Variants in BRINP3 observed in about 807,000 individuals in gnomAD.
The protein encoded by BRINP3 is BMP/retinoic acid-inducible neural-specific protein 3.
BRINP3 carries 19 observed loss-of-function variants against 71.0 expected under a neutral mutation model. That is an observed-to-expected ratio of 0.27 (90% CI 0.19 to 0.39). The LOEUF (loss-of-function observed/expected upper bound fraction) is 0.39, where lower values mean the gene tolerates loss of function less well. Among genes scored for constraint, BRINP3 ranks in the 10% least tolerant of loss-of-function variants. BRINP3 has a pLI of 1.00. For missense variants in BRINP3, 959 were observed against 940.8 expected, an observed-to-expected ratio of 1.02 and a Z score of -0.25; for synonymous variants, 380 against 337.7, an observed-to-expected ratio of 1.13 and a Z score of -1.37.
chr1:190,226,961 G>C (rs1246891890), intron 5 of BRINP3, among the ~76,000 whole-genome samples: 7 of 151,792 alleles, frequency 4.6e-5, no homozygotes, highest in African/African-American at 1.2e-4. Context: ...TAGTTTTCTA[G>C]AAACATGTTT....
chr1:190,272,448 A>T (rs1248707104), intron 3 of BRINP3, among the ~76,000 whole-genome samples: 1 of 151,510 alleles, frequency 6.6e-6, no homozygotes, highest in Non-Finnish European at 1.5e-5. Flanking sequence ...TCTCTAAAAC[A>T]AAGAAAATAT....
chr1:190,147,954 T>C (rs976564241), intron 7 of BRINP3, among the ~76,000 whole-genome samples: 3 of 152,174 alleles, frequency 2.0e-5, no homozygotes, highest in Non-Finnish European at 2.9e-5. Flanking sequence ...GAGCCAGACA[T>C]GTAAGATGAG....
chr1:190,206,731 C>T (rs1041329470), intron 6 of BRINP3, among the ~76,000 whole-genome samples: 5 of 151,794 alleles, frequency 3.3e-5, no homozygotes, highest in Non-Finnish European at 5.9e-5. Flanking sequence ...TGAGATTATT[C>T]CTAGAAGATG....
intron 1 of BRINP3, among the ~76,000 whole-genome samples, chr1:190,470,064 A>G (rs1677028683): frequency 6.6e-6 from 1 of 151,092 alleles, no homozygotes; most frequent in Non-Finnish European, 1.5e-5. Context: ...CCACTATTTG[A>G]CACTGAAAAA....
chr1:190,160,946 C>A, intron 6 of BRINP3, 56 bp from the exon 7 acceptor site: 1 of 1,260,880 alleles, frequency 7.9e-7, no homozygotes, highest in South Asian at 1.3e-5. Flanking sequence ...TTTTGTTTTT[C>A]ACAAACACGT....
intron 6 of BRINP3, among the ~76,000 whole-genome samples, chr1:190,175,105 A>G (rs113479879): frequency 4.5e-4 from 69 of 152,146 alleles, no homozygotes; most frequent in Middle Eastern, 3.2e-3. Context: ...TGTTCCAATA[A>G]TAAAATCATG....
intron 2 of BRINP3, among the ~76,000 whole-genome samples, chr1:190,282,081 G>A (rs191600508): frequency 7.6e-4 from 115 of 151,660 alleles, no homozygotes; most frequent in Non-Finnish European, 1.4e-3. Flanking sequence ...CAACTTAAGG[G>A]CAATTTTTTT....
chr1:190,320,334 G>C (rs550347116), intron 2 of BRINP3, among the ~76,000 whole-genome samples: 7 of 152,120 alleles, frequency 4.6e-5, no homozygotes, highest in Admixed American at 3.9e-4. Context: ...AGTTGTAATT[G>C]TGGTGAGTTA....
At chr1:190,227,112 C>A (rs564992766) in intron 5 of BRINP3, among the ~76,000 whole-genome samples, 2 of 151,792 alleles carry the variant, frequency 1.3e-5, no homozygotes, top group Admixed American at 6.6e-5. Context: ...TACTTAAATA[C>A]TAAATATTTA....
At chr1:190,296,289 C>A (rs1004075209) in intron 2 of BRINP3, among the ~76,000 whole-genome samples, 11 of 151,090 alleles carry the variant, frequency 7.3e-5, no homozygotes, top group Non-Finnish European at 1.6e-4. Flanking sequence ...TAAATATGAC[C>A]CATCTCATTA....
intron 6 of BRINP3, 38 bp downstream of exon 6, chr1:190,226,044 C>A: frequency 1.6e-6 from 2 of 1,289,100 alleles, no homozygotes; most frequent in Non-Finnish European, 2.1e-6. Context: ...TATTTTTTGT[C>A]AATATTTAAA....
At chr1:190,171,172 C>T (rs577989815) in intron 6 of BRINP3, among the ~76,000 whole-genome samples, 3 of 152,164 alleles carry the variant, frequency 2.0e-5, no homozygotes, top group African/African-American at 7.2e-5. Context: ...GTGTGGTTGA[C>T]GAGATGCCAC....
intron 4 of BRINP3, among the ~76,000 whole-genome samples, chr1:190,262,892 T>C (rs959366481): frequency 1.3e-5 from 2 of 152,124 alleles, no homozygotes; most frequent in Non-Finnish European, 2.9e-5. Flanking sequence ...CATATATATA[T>C]ACATATGTGT....
At chr1:190,307,088 C>T (rs1204293119) in intron 2 of BRINP3, among the ~76,000 whole-genome samples, 3 of 151,578 alleles carry the variant, frequency 2.0e-5, no homozygotes, top group Non-Finnish European at 4.4e-5. Context: ...CGTTTTGTCA[C>T]TTTACAGATT....
intron 1 of BRINP3, chr1:190,475,906 T>C (rs1199847469): frequency 1.3e-5 from 2 of 152,228 alleles, no homozygotes; most frequent in South Asian, 2.1e-4. Context: ...AATGTTTGAA[T>C]TGAATTATAT....
chr1:190,216,393 T>C (rs908181211), intron 6 of BRINP3, among the ~76,000 whole-genome samples: 4 of 151,748 alleles, frequency 2.6e-5, no homozygotes, highest in Non-Finnish European at 4.4e-5. Flanking sequence ...ATTAATGTTA[T>C]GTATATGCTA....
intron 6 of BRINP3, chr1:190,216,948 A>G (rs1338383750): frequency 6.6e-6 from 1 of 151,938 alleles, no homozygotes; most frequent in East Asian, 1.9e-4. Flanking sequence ...AATAACTTTT[A>G]GATAAGTTAT....
At chr1:190,243,814 C>G (rs1034130468) in intron 4 of BRINP3, among the ~76,000 whole-genome samples, 1 of 152,040 alleles carries the variant, frequency 6.6e-6, no homozygotes, top group Admixed American at 6.6e-5. Context: ...TTTTCTGTTT[C>G]TTTACATTCA....
intron 7 of BRINP3, among the ~76,000 whole-genome samples, chr1:190,147,768 A>T (rs1039063632): frequency 6.6e-6 from 1 of 152,174 alleles, no homozygotes; most frequent in Non-Finnish European, 1.5e-5. Context: ...GTACTACTTG[A>T]CATCCTGACA....
Sources: gnomAD v4.1 joint callset for allele counts (sites outside exome capture counted in the v4.1 genomes callset) on GRCh38, gnomAD v4.1.1 for gene constraint, MANE v1.5 for transcripts, NCBI Gene and HGNC (gene_info 2026-07-23, HGNC 2026-07-21) for gene names.